APBB1IP: variants seen among roughly 807,000 people sequenced by gnomAD.
APBB1IP encodes the protein amyloid beta A4 precursor protein-binding family B member 1-interacting protein.
APBB1IP carries 27 observed loss-of-function variants against 64.9 expected under a neutral mutation model. That is an observed-to-expected ratio of 0.42 (90% CI 0.31 to 0.57). The LOEUF is 0.57. Ranked by LOEUF, APBB1IP falls within the 20% of genes least tolerant of loss-of-function variation. The pLI is 0.20. For synonymous variants in APBB1IP, 392 were observed against 331.0 expected, an observed-to-expected ratio of 1.18 and a Z score of -2.00; for missense variants, 812 against 845.5, an observed-to-expected ratio of 0.96 and a Z score of 0.49.
chr10:26,474,300 T>A (rs972064589), intron 2 of APBB1IP, among the ~76,000 whole-genome samples: 1 of 152,216 alleles, frequency 6.6e-6, no homozygotes, highest in African/African-American at 2.4e-5. Flanking sequence ...TGGACAGGCC[T>A]GGTTTTCATT....
At chr10:26,480,610 T>TGA (rs1197384141) in intron 2 of APBB1IP, among the ~76,000 whole-genome samples, 1 of 150,664 alleles carries the variant, frequency 6.6e-6, no homozygotes, top group African/African-American at 2.4e-5. Flanking sequence ...TTGGAATGGT[T>TGA]GAGCTGCTTC....
chr10:26,533,063 T>C (rs750900265), intron 8 of APBB1IP, among the ~76,000 whole-genome samples: 20 of 152,242 alleles, frequency 1.3e-4, no homozygotes, highest in African/African-American at 1.9e-4. Context: ...CTCTTGAGCA[T>C]AGGACATGAG....
chr10:26,459,579 C>T (rs1171102711), intron 2 of APBB1IP, among the ~76,000 whole-genome samples: 1 of 152,220 alleles, frequency 6.6e-6, no homozygotes, highest in African/African-American at 2.4e-5. Context: ...TCCTATTTCT[C>T]CACATCCTCT....
intron 6 of APBB1IP, among the ~76,000 whole-genome samples, chr10:26,508,149 A>G (rs1408844372): frequency 3.3e-5 from 5 of 152,236 alleles, no homozygotes; most frequent in Non-Finnish European, 5.9e-5. Flanking sequence ...AATAACCGCA[A>G]TGTACTCATG....
At chr10:26,523,136 G>A (rs150014175) in intron 8 of APBB1IP, among the ~76,000 whole-genome samples, 17 of 151,632 alleles carry the variant, frequency 1.1e-4, no homozygotes, top group Non-Finnish European at 1.8e-4. Context: ...ATGAATTTCC[G>A]TATCAATTAC....
chr10:26,496,239 A>T, intron 3 of APBB1IP, 65 bp from the exon 4 acceptor site: 1 of 1,230,852 alleles, frequency 8.1e-7, no homozygotes, highest in Admixed American at 1.8e-5. Flanking sequence ...TGACTTGCTG[A>T]GTAAAGTGTG....
rs1837068604 is a variant in APBB1IP at position 26,567,363 on chromosome 10, A to C, written c.1876A>C (p.Arg626=). 6 of 1,539,338 alleles carry C rather than the reference A, an allele frequency of 3.9e-6. No individual in the cohort carries two copies. The highest frequency in any genetic ancestry group is 5.3e-6 in the Non-Finnish European group (6 of 1,136,756). ...SARPPPAVAK[R]PPVPPKRQEN... ...CAGGCCGCCCCCCGCGGTGGCCAAG[A>C]GGCCTCCTGTGCCCCCCAAGAGGCA... The change falls in exon 15 of 15, where the codon AGG becomes CGG. Residue 626 remains arginine, a synonymous_variant. Coordinates refer to ENST00000376236, the MANE Select transcript of APBB1IP (RefSeq NM_019043.4).
chr10:26,561,064 C>CTTTCTTTTTTTTTTTTTTT (rs1218039459), intron 13 of APBB1IP, among the ~76,000 whole-genome samples: 2 of 69,210 alleles, frequency 2.9e-5, no homozygotes, highest in Non-Finnish European at 5.1e-5. Flanking sequence ...TTCTTTCTTT[C>CTTTCTTTTTTTTTTTTTTT]TTTTTTTTTT....
rs1266854490 is a variant in APBB1IP, at chr10:26,510,762, ACACACACACACAC to A, written c.532-984_532-972del. Among the ~76,000 whole-genome samples the A allele has an allele frequency of 5.9e-5, 9 of 151,802 alleles. No homozygotes were observed. In the East Asian group the frequency reaches 1.4e-3, roughly 23 times the overall value. On this transcript the variant is annotated intron_variant, in intron 6 of 14. Transcript: ENST00000376236. ...CACACACACACACACACACACACAC[ACACACACACACAC>A]AAATGAAAATTAGATTTATCATGTG...
intron 11 of APBB1IP, among the ~76,000 whole-genome samples, chr10:26,542,986 G>A (rs1187464957): frequency 1.4e-5 from 2 of 146,320 alleles, no homozygotes; most frequent in Non-Finnish European, 3.0e-5. Flanking sequence ...CAGGTATGCT[G>A]CTAAATACCT....
At chr10:26,551,973 G>A (rs1836837615) in intron 11 of APBB1IP, among the ~76,000 whole-genome samples, 1 of 151,782 alleles carries the variant, frequency 6.6e-6, no homozygotes, top group Non-Finnish European at 1.5e-5. Context: ...ATGGAATACA[G>A]ATCAAAGCCC....
At chr10:26,548,308 G>A (rs1836791639) in intron 11 of APBB1IP, among the ~76,000 whole-genome samples, 1 of 151,492 alleles carries the variant, frequency 6.6e-6, no homozygotes, top group Non-Finnish European at 1.5e-5. Flanking sequence ...TTTAACATTA[G>A]GTATGTCTCC....
intron 2 of APBB1IP, among the ~76,000 whole-genome samples, chr10:26,485,729 C>T (rs772405374): frequency 5.3e-5 from 8 of 152,078 alleles, no homozygotes; most frequent in Non-Finnish European, 7.4e-5. Flanking sequence ...GTTGTTAAGG[C>T]CAGGATTTAC....
intron 6 of APBB1IP, among the ~76,000 whole-genome samples, chr10:26,511,458 T>A (rs1836258755): frequency 6.6e-6 from 1 of 152,010 alleles, no homozygotes; most frequent in Non-Finnish European, 1.5e-5. Context: ...AAGCTAACAC[T>A]TTTTTTGTTC....
intron 2 of APBB1IP, among the ~76,000 whole-genome samples, chr10:26,447,859 C>T (rs1228520926): frequency 6.6e-6 from 1 of 151,926 alleles, no homozygotes; most frequent in Admixed American, 6.5e-5. Flanking sequence ...TGGTCTTGAA[C>T]TCTTGGGCTC....
At chr10:26,511,629 G>A (rs1836260982) in intron 6 of APBB1IP, 118 bp from the exon 7 acceptor site, 2 of 1,243,522 alleles carry the variant, frequency 1.6e-6, no homozygotes, top group African/African-American at 3.0e-5. Flanking sequence ...GATGGAGCAA[G>A]TTCACCAAAC....
chr10:26,566,259 T>C (rs1007179206), intron 14 of APBB1IP, among the ~76,000 whole-genome samples: 3 of 152,020 alleles, frequency 2.0e-5, no homozygotes, highest in African/African-American at 4.8e-5. Context: ...TCTCTAAAAA[T>C]ATATATAGAG....
At chr10:26,553,513 G>T (rs985600258) in intron 11 of APBB1IP, among the ~76,000 whole-genome samples, 7 of 152,026 alleles carry the variant, frequency 4.6e-5, no homozygotes, top group African/African-American at 9.7e-5. Flanking sequence ...CATTAGCTGG[G>T]CATGGTGGCG....
At chr10:26,459,076 C>A (rs1835560489) in intron 2 of APBB1IP, among the ~76,000 whole-genome samples, 1 of 142,646 alleles carries the variant, frequency 7.0e-6, no homozygotes, top group African/African-American at 2.6e-5. Context: ...TCTCCTAATG[C>A]TATCCCTCCC....
Sources: allele counts gnomAD v4.1 joint callset (sites outside exome capture counted in the v4.1 genomes callset), GRCh38; gene constraint gnomAD v4.1.1; transcripts MANE v1.5; gene names NCBI Gene and HGNC (gene_info 2026-07-23, HGNC 2026-07-21).